The following SMAD5 variants were observed in gnomAD, a reference collection of about 807,000 sequenced individuals.
The protein encoded by SMAD5 is SMAD family member 5, also known as MAD, mothers against decapentaplegic homolog 5.
Under a neutral mutation model 43.1 loss-of-function variants are expected in SMAD5, and 9 were observed. The ratio of observed to expected loss-of-function variants is 0.21; its 90% CI spans 0.13 to 0.36. The LOEUF is 0.36. SMAD5 is among the 10% of genes least tolerant of loss of function. SMAD5 has a pLI of 1.00. For missense variants in SMAD5, 348 were observed against 574.0 expected (o/e 0.61, Z 4.02); for synonymous variants, 190 against 192.4 (o/e 0.99, Z 0.10).
intron 5 of SMAD5, among the ~76,000 whole-genome samples, chr5:136,171,019 A>T (rs1234845582): frequency 6.6e-6 from 1 of 152,122 alleles, no homozygotes; most frequent in African/African-American, 2.4e-5. Flanking sequence ...AACAAAGACA[A>T]TTTCCTCCTT....
chr5:136,161,249 G>C, intron 4 of SMAD5, 142 bp downstream of exon 4: 1 of 774,684 alleles, frequency 1.3e-6, no homozygotes, highest in Non-Finnish European at 2.0e-6. Context: ...GTAATTGTTT[G>C]ATTTCCAGAA....
intron 1 of SMAD5, among the ~76,000 whole-genome samples, chr5:136,137,305 A>G (rs1466354955): frequency 7.2e-6 from 1 of 139,734 alleles, no homozygotes; most frequent in Non-Finnish European, 1.5e-5. Flanking sequence ...GCATATATGT[A>G]CTTTATAGAC....
chr5:136,178,883 T>A lies in SMAD5; in HGVS notation c.*1403T>A, dbSNP rs936183080. On this transcript the variant is annotated 3_prime_UTR_variant, in exon 8 of 8. Transcript: ENST00000545279. ...GCCTGGCCAATATGGTGAAACCCTG[T>A]CTCTACAAAAAATACAAAAATTAGC... 2.0e-5 allele frequency: 3 copies of A among 152,192 alleles called. No individual in the cohort carries two copies. Among genetic ancestry groups the A allele is most frequent in the Non-Finnish European group, 4.4e-5 (3 of 68,124 alleles). The allele number at this position is 152,192 out of a possible 1,614,324, so 9.4% of individuals were successfully genotyped here.
Position 136,159,501 on chromosome 5 carries a change from ATGTACAAGT to A in SMAD5, c.404-1354_404-1346del, listed in dbSNP as rs1753758936. The stretch of plus-strand genomic sequence containing the variant: ...ATTTTTTAAAAATCGTGCATAGATA[ATGTACAAGT>A]GAAAGAGAAGCCAGTGATTTTAGCA... On this transcript the variant is annotated intron_variant, in intron 3 of 7. Coordinates refer to ENST00000545279, the MANE Select transcript of SMAD5 (RefSeq NM_005903.7). Among the ~76,000 whole-genome samples, 4 of 152,168 alleles carry A rather than the reference ATGTACAAGT, an allele frequency of 2.6e-5. No homozygotes were observed. The South Asian group carries it at 8.3e-4, about 32-fold the overall frequency.
chr5:136,149,295 GT>G (rs943605454), intron 2 of SMAD5, among the ~76,000 whole-genome samples: 1 of 151,748 alleles, frequency 6.6e-6, no homozygotes, highest in Non-Finnish European at 1.5e-5. Context: ...ACATGTACTT[GT>G]TTTTTGGTGG....
chr5:136,165,906 G>A (rs1459746725), intron 5 of SMAD5, among the ~76,000 whole-genome samples: 2 of 151,378 alleles, frequency 1.3e-5, no homozygotes, highest in African/African-American at 2.4e-5. Flanking sequence ...ATATCTCTTC[G>A]AGATCCTGCT....
At chr5:136,151,066 TTTTAAG>T (rs2149766865) in intron 2 of SMAD5, among the ~76,000 whole-genome samples, 1 of 152,130 alleles carries the variant, frequency 6.6e-6, no homozygotes, top group African/African-American at 2.4e-5. Context: ...AATTTTTTTG[TTTTAAG>T]TTTGATATAG....
At chr5:136,144,465 A>G (rs1044505928) in intron 1 of SMAD5, among the ~76,000 whole-genome samples, 1 of 151,960 alleles carries the variant, frequency 6.6e-6, no homozygotes, top group Non-Finnish European at 1.5e-5. Context: ...ATTTATAAAC[A>G]ACTGTTTTAC....
At chr5:136,134,208 T>C (rs1010538162) in intron 1 of SMAD5, 2 of 152,582 alleles carry the variant, frequency 1.3e-5, no homozygotes, top group Non-Finnish European at 1.5e-5. Context: ...AGGGTTGTTA[T>C]CTAGCAGCAA....
chr5:136,169,394 C>T (rs140752062), intron 5 of SMAD5, among the ~76,000 whole-genome samples: 9 of 152,314 alleles, frequency 5.9e-5, no homozygotes, highest in Non-Finnish European at 8.8e-5. Flanking sequence ...TGGCGACACA[C>T]CCACAGACAC....
intron 1 of SMAD5, among the ~76,000 whole-genome samples, chr5:136,143,327 T>C (rs1753148630): frequency 6.6e-6 from 1 of 151,900 alleles, no homozygotes; most frequent in African/African-American, 2.4e-5. Flanking sequence ...GTTACTACCA[T>C]GGTTTTCATC....
intron 6 of SMAD5, 71 bp from the exon 7 acceptor site, chr5:136,174,305 C>T: frequency 2.1e-6 from 3 of 1,433,712 alleles, no homozygotes; most frequent in Admixed American, 3.5e-5. Flanking sequence ...ACTTTTGTTG[C>T]ACCATACAGT....
At chr5:136,156,324 T>C (rs1168994819) in intron 3 of SMAD5, among the ~76,000 whole-genome samples, 1 of 152,180 alleles carries the variant, frequency 6.6e-6, no homozygotes, top group Admixed American at 6.5e-5. Context: ...TGATAGGTCA[T>C]ACTCATACTC....
At chr5:136,153,397 G>A (rs1194315114) in intron 2 of SMAD5, among the ~76,000 whole-genome samples, 195 bp from the exon 3 acceptor site, 2 of 152,148 alleles carry the variant, frequency 1.3e-5, no homozygotes, top group Non-Finnish European at 2.9e-5. Flanking sequence ...GACATTGCCA[G>A]TGTCTTACTT....
intron 1 of SMAD5, chr5:136,134,044 G>A (rs1383411044): frequency 1.8e-5 from 2 of 109,840 alleles, no homozygotes; most frequent in African/African-American, 6.1e-5. Context: ...CTTTGGGGGG[G>A]GGGGGGGGGT....
In SMAD5 at chr5:136,172,469, T is replaced by G. The variant is rs1291319117; in HGVS notation, c.811T>G (p.Trp271Gly). The part of the protein sequence containing the change: ...QPVAYEEPKH[W>G]CSIVYYELNN... ...TGTTGCCTATGAAGAGCCTAAACAT[T>G]GGTGTTCAATAGTCTACTATGAATT... is the stretch of plus-strand genomic sequence containing the variant. The change falls in exon 6 of 8, where the codon TGG becomes GGG. Residue 271 changes from tryptophan to glycine, a missense_variant. Trp to Gly is a radical substitution (Grantham distance 184). Around this residue, in one of 5 missense-constraint regions of SMAD5, gnomAD observed 185 missense variants for 207.0 expected, o/e 0.89. Coordinates refer to ENST00000545279, the MANE Select transcript of SMAD5 (RefSeq NM_005903.7). The G allele has an allele frequency of 6.2e-7, 1 of 1,612,312 alleles. No homozygotes were observed.
rs1293029075 is a variant in SMAD5, at chr5:136,178,540, T to C, written c.*1060T>C. On this transcript the variant is annotated 3_prime_UTR_variant, in exon 8 of 8. Transcript: ENST00000545279. Reference sequence around the variant, plus strand: ...AGACTGTTATTCTATAGCTCCAACTTAAGGTGCCTTTTTAATTCCCTACAG... The same window carrying C: ...AGACTGTTATTCTATAGCTCCAACTCAAGGTGCCTTTTTAATTCCCTACAG... 6.6e-6 allele frequency: 1 copy of C among 152,266 alleles called. No individual in the cohort carries two copies. Among genetic ancestry groups the C allele is most frequent in the Non-Finnish European group, 1.5e-5 (1 of 68,044 alleles). The allele number at this position is 152,266 out of a possible 1,614,324, so 9.4% of individuals were successfully genotyped here. A position where few individuals can be genotyped will look rare whatever the true frequency, so the allele number is the denominator to read the frequency against.
intron 1 of SMAD5, among the ~76,000 whole-genome samples, chr5:136,146,893 A>G (rs1753274338): frequency 6.6e-6 from 1 of 151,696 alleles, no homozygotes; most frequent in Non-Finnish European, 1.5e-5. Context: ...AAATCTATAT[A>G]TTCGGGTGAG....
In SMAD5 at chr5:136,160,958, A is replaced by G; in HGVS notation, c.506A>G (p.Gln169Arg). The stretch of plus-strand genomic sequence containing the variant: ...AGCCACAATGAACCACACATGCCAC[A>G]AAATGCCACGTTTCCAGATTCTTTC... ...NLSHNEPHMP[Q>R]NATFPDSFHQ... The change falls in exon 4 of 8, where the codon CAA becomes CGA. Residue 169 changes from glutamine to arginine, a missense_variant. Physicochemically the swap from Gln to Arg is conservative, Grantham distance 43. Transcript: ENST00000545279. 1 of 1,613,966 alleles carries G rather than the reference A, an allele frequency of 6.2e-7. No homozygotes were observed. Among genetic ancestry groups the G allele is most frequent in the Non-Finnish European group, 8.5e-7 (1 of 1,179,882 alleles).
Sources: gnomAD v4.1 joint callset for allele counts (sites outside exome capture counted in the v4.1 genomes callset) on GRCh38, gnomAD v4.1.1 for gene constraint, gnomAD v4.1.1 regional missense constraint, MANE v1.5 for transcripts, NCBI Gene and HGNC (gene_info 2026-07-23, HGNC 2026-07-21) for gene names.